Variants in STK40 observed in about 807,000 individuals in gnomAD.
STK40 encodes serine/threonine kinase 40.
In STK40, 13 loss-of-function variants were observed where a neutral mutation model predicts 47.9. The observed-to-expected ratio is 0.27, with a 90% CI of 0.18 to 0.43. The LOEUF (loss-of-function observed/expected upper bound fraction) is 0.43. STK40 is among the 20% of genes least tolerant of loss of function. STK40 has a pLI of 1.00. For missense variants in STK40, 460 were observed against 595.1 expected (o/e 0.77, Z 2.36); for synonymous variants, 225 against 243.2 (o/e 0.93, Z 0.69).
chr1:36,343,765 G>C (rs998784122), intron 9 of STK40, 95 bp downstream of exon 9: 13 of 1,492,162 alleles, frequency 8.7e-6, no homozygotes, highest in Non-Finnish European at 1.1e-5. Flanking sequence ...CTAACTGGCA[G>C]AGAAGCAGGC....
chr1:36,385,813 T>C lies in STK40; in HGVS notation c.-99A>G. The C allele has an allele frequency of 5.8e-6, 1 of 172,190 alleles. No homozygotes were observed. The highest frequency in any genetic ancestry group is 1.5e-4 in the South Asian group (1 of 6,868). 10.7% of individuals were successfully genotyped at this position (172,190 alleles called of 1,614,324 possible). On this transcript the variant is annotated 5_prime_UTR_variant, in exon 1 of 11. Transcript: ENST00000373132. Reference sequence around the variant, plus strand: ...CCCTCCCGGGGGGCCGGGGCCGGGCTGGAGGCGTGCGAGCCTCTCACCGCC... The same window carrying C: ...CCCTCCCGGGGGGCCGGGGCCGGGCCGGAGGCGTGCGAGCCTCTCACCGCC...
At chr1:36,383,123 T>C (rs1647055015) in intron 1 of STK40, among the ~76,000 whole-genome samples, 1 of 152,196 alleles carries the variant, frequency 6.6e-6, no homozygotes, top group African/African-American at 2.4e-5. Context: ...TAATTTTGTA[T>C]TTTTAGTAGA....
intron 1 of STK40, among the ~76,000 whole-genome samples, chr1:36,370,128 T>C (rs1285096813): frequency 3.3e-5 from 5 of 152,230 alleles, no homozygotes; most frequent in Non-Finnish European, 1.5e-5. Context: ...GAATGGGGAC[T>C]AGGCTGGCTG....
At position 36,344,155 on chromosome 1, in the gene STK40, G is replaced by C; in HGVS notation, c.849C>G (p.Phe283Leu). Residue 283 changes from phenylalanine (F) to leucine (L), a missense_variant, in exon 8 of 11, where the codon TTC (phenylalanine) becomes TTG (leucine). Phe to Leu is a conservative substitution (Grantham distance 22). This residue lies in a region of STK40 where 181 missense variants were observed against 218.9 expected (regional missense o/e 0.83). Coordinates refer to ENST00000373132, the MANE Select transcript of STK40 (RefSeq NM_001282547.2). ...PFYDSIPQEL[F>L]RKIKAAEYTI... ...TATACTCGGCAGCCTTGATCTTGCG[G>C]AAGAGCTCCTGCGGGATGCTGTCGT... The C allele has an allele frequency of 6.2e-7, 1 of 1,613,026 alleles. No homozygotes were observed. The highest frequency in any genetic ancestry group is 8.5e-7 in the Non-Finnish European group (1 of 1,179,606).
In STK40 at chr1:36,358,341, G is replaced by C. The variant is rs749056673; in HGVS notation, c.240C>G (p.Ser80Arg). 37 of 1,609,598 alleles carry C rather than the reference G, an allele frequency of 2.3e-5. No homozygotes were observed. The highest frequency in any genetic ancestry group is 3.1e-5 in the Non-Finnish European group (36 of 1,176,316). ...GCATCTTGCCCTGCCGCTCTTCCTG[G>C]CTCTCTATGCCTTGGTCCCCCCTCT... ...LEERGDQGIE[S>R]QEERQGKMLL... The change falls in exon 4 of 11, where the codon AGC becomes AGG. Residue 80 changes from serine (S) to arginine (R), a missense_variant. Ser to Arg is a moderately radical substitution (Grantham distance 110). Around this residue, in one of 3 missense-constraint regions of STK40, gnomAD observed 277 missense variants for 358.7 expected, o/e 0.77. Coordinates refer to ENST00000373132, the MANE Select transcript of STK40 (RefSeq NM_001282547.2).
chr1:36,374,378 A>AG (rs1437680224), intron 1 of STK40, among the ~76,000 whole-genome samples: 1 of 152,252 alleles, frequency 6.6e-6, no homozygotes, highest in Non-Finnish European at 1.5e-5. Context: ...GGTAGAGAGA[A>AG]GCTTTCTCTG....
intron 1 of STK40, among the ~76,000 whole-genome samples, chr1:36,361,544 TG>T (rs1325382540): frequency 6.6e-6 from 1 of 152,092 alleles, no homozygotes; most frequent in African/African-American, 2.4e-5. Flanking sequence ...ATGCTAAAGG[TG>T]GACATCCTTT....
intron 2 of STK40, among the ~76,000 whole-genome samples, chr1:36,359,119 G>A (rs1427833368): frequency 6.6e-6 from 1 of 152,164 alleles, no homozygotes; most frequent in Non-Finnish European, 1.5e-5. Flanking sequence ...AAAAACAAGA[G>A]ATCCAGGCTG....
At chr1:36,342,904 G>C in intron 10 of STK40, 2 of 463,790 alleles carry the variant, frequency 4.3e-6, no homozygotes, top group South Asian at 4.7e-5. Flanking sequence ...AAGATCACCT[G>C]CCCTCTGCTG....
chr1:36,350,152 T>C (rs976379029), intron 6 of STK40, among the ~76,000 whole-genome samples: 1 of 152,160 alleles, frequency 6.6e-6, no homozygotes, highest in Non-Finnish European at 1.5e-5. Context: ...CCTATACAGG[T>C]CCGCCCTGTC....
In STK40 at chr1:36,365,635, C is replaced by G. The variant is rs970668537; in HGVS notation, c.-8-4295G>C. ...CTTTAAAAGCTGGGCAGTAATGTGT[C>G]TGGCACTGTGTTCCTGCTCTTTGCT... On this transcript the variant is annotated intron_variant, in intron 1 of 10. Transcript: ENST00000373132. Among the ~76,000 whole-genome samples, 8 of 152,322 alleles carry G rather than the reference C, an allele frequency of 5.3e-5. No individual in the cohort carries two copies. The South Asian group carries it at 1.7e-3, about 32-fold the overall frequency.
At position 36,341,782 on chromosome 1, in the gene STK40, GATGGCC is replaced by G; in HGVS notation, c.1275_1280del (p.Ala426_Ile427del). ...ATTTCCGCAGGTAGCGCTGCGCCAG[GATGGCC>G]GTGTCCAAGGAGGTCATGGGCTGTG... On this transcript the variant is annotated inframe_deletion, in exon 11 of 11. Coordinates refer to ENST00000373132, the MANE Select transcript of STK40 (RefSeq NM_001282547.2). 1 of 1,612,246 alleles carries G rather than the reference GATGGCC, an allele frequency of 6.2e-7. No individual in the cohort carries two copies. Among genetic ancestry groups the G allele is most frequent in the Non-Finnish European group, 8.5e-7 (1 of 1,179,714 alleles).
intron 1 of STK40, among the ~76,000 whole-genome samples, chr1:36,370,616 A>G (rs1646937490): frequency 6.6e-6 from 1 of 152,214 alleles, no homozygotes; most frequent in Non-Finnish European, 1.5e-5. Context: ...GGTCTCTTGT[A>G]GATTCCTGCG....
intron 6 of STK40, among the ~76,000 whole-genome samples, chr1:36,351,735 C>A (rs1377120657): frequency 6.6e-6 from 1 of 152,332 alleles, no homozygotes; most frequent in East Asian, 1.9e-4. Context: ...CGACTACACT[C>A]CCAGGACCAA....
At position 36,361,100 on chromosome 1, in the gene STK40, G is replaced by C. The variant is rs184714379; in HGVS notation, c.112+121C>G. On this transcript the variant is annotated intron_variant, in intron 2 of 10. Transcript: ENST00000373132. ...AGGGACCAAGCCTGGGGCAGGGCAG[G>C]ACCACACACTGCTGTGGGTGGGCCA... 1.5e-3 allele frequency: 1,706 copies of C among 1,148,298 alleles called. 3 individuals carry two copies. The highest frequency in any genetic ancestry group is 1.9e-3 in the Non-Finnish European group (1,549 of 794,972). The allele number at this position is 1,148,298 out of a possible 1,614,324, so 71.1% of individuals were successfully genotyped here.
intron 7 of STK40, among the ~76,000 whole-genome samples, chr1:36,346,538 G>A (rs1001591590): frequency 1.3e-5 from 2 of 152,204 alleles, no homozygotes; most frequent in African/African-American, 4.8e-5. Context: ...TGGTAGGGCT[G>A]GTACTTCAGC....
rs1646827244 is a variant in STK40 at position 36,358,754 on chromosome 1, C to T, written c.181G>A (p.Asp61Asn). Residue 61 changes from aspartate (D) to asparagine (N), a missense_variant, in exon 3 of 11, where the codon GAC becomes AAC. By Grantham distance (23) the Asp-to-Asn change is conservative. This residue lies in a region of STK40 where 277 missense variants were observed against 358.7 expected (regional missense o/e 0.77). Transcript: ENST00000373132. ...QCLARKDGTDDFYQLKILTLE... is the reference protein window; with the variant it reads ...QCLARKDGTDNFYQLKILTLE... ...TCACTTACCTTCAGCTGATAGAAGT[C>T]ATCCGTGCCATCTTTCCTCGCCAAA... is the stretch of plus-strand genomic sequence containing the variant. The T allele has an allele frequency of 6.2e-7, 1 of 1,614,062 alleles. No homozygotes were observed. Among genetic ancestry groups the T allele is most frequent in the African/African-American group, 1.3e-5 (1 of 74,920 alleles).
chr1:36,375,989 T>C (rs1396947492), intron 1 of STK40, among the ~76,000 whole-genome samples: 2 of 150,590 alleles, frequency 1.3e-5, no homozygotes, highest in African/African-American at 4.9e-5. Flanking sequence ...GCCATTGCAC[T>C]CCAGCCTGGG....
intron 5 of STK40, 90 bp from the exon 6 acceptor site, chr1:36,354,506 G>A (rs1204540524): frequency 9.7e-6 from 13 of 1,338,982 alleles, no homozygotes; most frequent in South Asian, 2.3e-5. Context: ...CCAGGTGTTC[G>A]AGAAGGCAGG....
Sources: gnomAD v4.1 joint callset for allele counts (sites outside exome capture counted in the v4.1 genomes callset) on GRCh38, gnomAD v4.1.1 for gene constraint, gnomAD v4.1.1 regional missense constraint, MANE v1.5 for transcripts, NCBI Gene and HGNC (gene_info 2026-07-23, HGNC 2026-07-21) for gene names.